IL7: variants seen among roughly 807,000 people sequenced by gnomAD.
IL7 encodes interleukin-7.
In IL7, 3 loss-of-function variants were observed where a neutral mutation model predicts 21.6. The observed-to-expected ratio is 0.14, with a 90% CI of 0.06 to 0.36. The LOEUF is 0.36. Among genes scored for constraint, IL7 ranks in the 10% least tolerant of loss-of-function variants. The pLI, the probability that IL7 is intolerant of heterozygous loss-of-function variation, is 1.00. For synonymous variants in IL7, 62 were observed against 68.1 expected, an observed-to-expected ratio of 0.91 and a Z score of 0.44; for missense variants, 175 against 200.2, an observed-to-expected ratio of 0.87 and a Z score of 0.76.
At chr8:78,707,426 T>C (rs776229171) in intron 3 of IL7, among the ~76,000 whole-genome samples, 23 of 152,226 alleles carry the variant, frequency 1.5e-4, no homozygotes, top group Non-Finnish European at 2.6e-4. Flanking sequence ...TATCTCTTTG[T>C]CATGCTGTGA....
At chr8:78,762,639 G>A (rs1283309031) in intron 2 of IL7, among the ~76,000 whole-genome samples, 1 of 131,774 alleles carries the variant, frequency 7.6e-6, no homozygotes, top group Non-Finnish European at 1.5e-5. Context: ...GACATGAATT[G>A]CCTTCCCAAT....
chr8:78,765,492 A>T (rs923021953), intron 2 of IL7, among the ~76,000 whole-genome samples: 1 of 152,122 alleles, frequency 6.6e-6, no homozygotes, highest in African/African-American at 2.4e-5. Context: ...AAATAAGACA[A>T]TTTACAACCC....
intron 4 of IL7, among the ~76,000 whole-genome samples, chr8:78,737,506 G>A (rs547859935): frequency 2.6e-5 from 4 of 152,158 alleles, no homozygotes; most frequent in South Asian, 2.1e-4. Flanking sequence ...ACGTAAGGAC[G>A]CAAGTTTGGA....
intron 2 of IL7, among the ~76,000 whole-genome samples, chr8:78,796,656 G>A (rs1813863736): frequency 6.6e-6 from 1 of 151,964 alleles, no homozygotes; most frequent in South Asian, 2.1e-4. Flanking sequence ...TGAAAAGATG[G>A]TCAACATTGT....
chr8:78,805,260 C>T lies in IL7; in HGVS notation c.-338G>A. 4.2e-6 allele frequency: 1 copy of T among 238,304 alleles called. No homozygotes were observed. The highest frequency in any genetic ancestry group is 1.4e-4 in the South Asian group (1 of 7,104). The allele number at this position is 238,304 out of a possible 1,614,324, so 14.8% of individuals were successfully genotyped here. On this transcript the variant is annotated 5_prime_UTR_variant, in exon 1 of 6. Transcript: ENST00000263851. ...ATGGAATCTTCATTATCCCCTCTCT[C>T]CTGGGCACCTGCTTCCCGCGCACCT...
chr8:78,735,276 C>CTTTTTTTTTTTT, intron 5 of IL7, among the ~76,000 whole-genome samples: 70 of 78,410 alleles, frequency 8.9e-4, no homozygotes, highest in East Asian at 1.5e-3. Context: ...CTTTTCTTTT[C>CTTTTTTTTTTTT]TTTTTTTTTT....
intron 2 of IL7, among the ~76,000 whole-genome samples, chr8:78,775,224 A>G (rs886154826): frequency 6.6e-5 from 10 of 152,128 alleles, no homozygotes; most frequent in African/African-American, 2.2e-4. Context: ...ATATGATTCA[A>G]CAATTGGCAG....
chr8:78,684,303 A>T (rs1809883432), intron 4 of IL7, among the ~76,000 whole-genome samples: 1 of 152,200 alleles, frequency 6.6e-6, no homozygotes, highest in Non-Finnish European at 1.5e-5. Context: ...CCTCACAATC[A>T]TGGTGGAAGG....
chr8:78,783,794 G>A (rs914727346), intron 2 of IL7, among the ~76,000 whole-genome samples: 1 of 152,206 alleles, frequency 6.6e-6, no homozygotes, highest in African/African-American at 2.4e-5. Flanking sequence ...GTGAGCTGAA[G>A]TGGGGTGGTA....
downstream of IL7, among the ~76,000 whole-genome samples, chr8:78,730,502 C>T (rs897346650): frequency 2.0e-5 from 3 of 151,960 alleles, no homozygotes; most frequent in African/African-American, 7.2e-5. Context: ...CCATATCATC[C>T]TGAATGCACC....
chr8:78,792,419 G>A (rs1220406935), intron 2 of IL7, among the ~76,000 whole-genome samples: 1 of 151,996 alleles, frequency 6.6e-6, no homozygotes, highest in African/African-American at 2.4e-5. Flanking sequence ...GGCAACAAGA[G>A]TAAATGAATT....
At chr8:78,686,741 A>G in intron 3 of IL7, 7 of 955,320 alleles carry the variant, frequency 7.3e-6, no homozygotes, top group African/African-American at 1.7e-5. Flanking sequence ...AATTTGGTGT[A>G]AAATGGTGGT....
chr8:78,714,179 A>G (rs958434642), downstream of IL7, among the ~76,000 whole-genome samples: 1 of 152,168 alleles, frequency 6.6e-6, no homozygotes, highest in African/African-American at 2.4e-5. Context: ...TTCAATGAAC[A>G]TCTAAATCCT....
At chr8:78,725,699 C>T (rs190172396) in intron 3 of IL7, among the ~76,000 whole-genome samples, 4 of 152,004 alleles carry the variant, frequency 2.6e-5, no homozygotes, top group African/African-American at 4.8e-5. Flanking sequence ...TTAACCCAAT[C>T]GTAGTGTTAG....
intron 2 of IL7, among the ~76,000 whole-genome samples, chr8:78,775,760 C>T (rs1365339718): frequency 1.3e-5 from 2 of 151,994 alleles, no homozygotes; most frequent in Non-Finnish European, 2.9e-5. Flanking sequence ...AGATCATATT[C>T]CATGTAGTCC....
intron 2 of IL7, among the ~76,000 whole-genome samples, chr8:78,795,599 C>G (rs1444089715): frequency 6.6e-6 from 1 of 152,022 alleles, no homozygotes; most frequent in Non-Finnish European, 1.5e-5. Flanking sequence ...TCTCCTTTTA[C>G]TGAATTTTTA....
At chr8:78,741,516 G>A (rs1048672975) in intron 2 of IL7, among the ~76,000 whole-genome samples, 3 of 152,080 alleles carry the variant, frequency 2.0e-5, no homozygotes, top group South Asian at 2.1e-4. Context: ...CAAAAATATC[G>A]TATGAGACAA....
downstream of IL7, chr8:78,675,719 A>C: frequency 7.2e-7 from 1 of 1,390,020 alleles, no homozygotes; most frequent in Non-Finnish European, 9.9e-7. Context: ...CTAAGAGAAA[A>C]CATTAAAATG....
chr8:78,787,117 GATAA>G, intron 2 of IL7, among the ~76,000 whole-genome samples: 1 of 152,274 alleles, frequency 6.6e-6, no homozygotes, highest in East Asian at 1.9e-4. Flanking sequence ...TATAAGAAAT[GATAA>G]ATATTAGTAT....
Sources: allele counts gnomAD v4.1 joint callset (sites outside exome capture counted in the v4.1 genomes callset), GRCh38; gene constraint gnomAD v4.1.1; transcripts MANE v1.5; gene names NCBI Gene and HGNC (gene_info 2026-07-23, HGNC 2026-07-21).